NKAIN2: variants seen among roughly 807,000 people sequenced by gnomAD.
NKAIN2 encodes sodium/potassium transporting ATPase interacting 2, also known as sodium/potassium-transporting ATPase subunit beta-1-interacting protein 2.
Under a neutral mutation model 32.6 loss-of-function variants are expected in NKAIN2, and 14 were observed. That is an observed-to-expected ratio of 0.43 (90% CI 0.28 to 0.67). The LOEUF (loss-of-function observed/expected upper bound fraction) is 0.67. Among genes scored for constraint, NKAIN2 ranks in the 30% least tolerant of loss-of-function variants. The pLI, the probability that NKAIN2 is intolerant of heterozygous loss-of-function variation, is 0.17. For missense variants in NKAIN2, 198 were observed against 258.3 expected, an observed-to-expected ratio of 0.77 and a Z score of 1.60; for synonymous variants, 80 against 87.2, an observed-to-expected ratio of 0.92 and a Z score of 0.46.
chr6:124,682,974 T>C (rs17052251), intron 4 of NKAIN2, among the ~76,000 whole-genome samples: 9,684 of 152,218 alleles, frequency 0.064, 462 homozygotes, highest in African/African-American at 0.13. Context: ...TGGGCAGTGA[T>C]AAGTTTTGAC....
At chr6:124,194,988 A>G (rs1039831426) in intron 1 of NKAIN2, among the ~76,000 whole-genome samples, 2 of 103,786 alleles carry the variant, frequency 1.9e-5, no homozygotes, top group Admixed American at 1.1e-4. Context: ...TATTTGTCAT[A>G]TTATTGGCTT....
At chr6:124,310,235 T>C (rs538738539) in intron 2 of NKAIN2, among the ~76,000 whole-genome samples, 6 of 152,262 alleles carry the variant, frequency 3.9e-5, no homozygotes, top group African/African-American at 9.6e-5. Context: ...GTTATGTTAG[T>C]ACTTTCATTT....
intron 3 of NKAIN2, among the ~76,000 whole-genome samples, chr6:124,397,785 G>A (rs984675549): frequency 2.6e-5 from 4 of 152,014 alleles, no homozygotes; most frequent in South Asian, 2.1e-4. Flanking sequence ...GAAGATTAAC[G>A]AATTGTGAAA....
intron 1 of NKAIN2, among the ~76,000 whole-genome samples, chr6:124,143,242 G>A (rs1027594629): frequency 8.5e-5 from 13 of 152,164 alleles, no homozygotes; most frequent in African/African-American, 2.9e-4. Flanking sequence ...AGGACTGCTT[G>A]AAGCCATGAG....
intron 3 of NKAIN2, among the ~76,000 whole-genome samples, chr6:124,576,655 C>A (rs519615): frequency 0.87 from 131,728 of 152,168 alleles, 57,196 homozygotes; most frequent in South Asian, 0.93. Flanking sequence ...CTTGGCAAAA[C>A]AATTATGCCA....
At chr6:124,742,597 A>C (rs1399866598) in intron 4 of NKAIN2, among the ~76,000 whole-genome samples, 1 of 151,858 alleles carries the variant, frequency 6.6e-6, no homozygotes, top group East Asian at 1.9e-4. Context: ...CTCATAATAA[A>C]TATATATTGG....
At chr6:124,610,018 T>C (rs1020003097) in intron 3 of NKAIN2, among the ~76,000 whole-genome samples, 2 of 152,094 alleles carry the variant, frequency 1.3e-5, no homozygotes, top group Non-Finnish European at 2.9e-5. Context: ...CACAGTGTAG[T>C]GTTAATTATT....
chr6:124,820,945 G>A lies in NKAIN2; in HGVS notation c.618-2275G>A, dbSNP rs114295591. On this transcript the variant is annotated intron_variant, in intron 6 of 6. Transcript: ENST00000368417. ...CAGTCTCTGGTACCAAAAAGGTTGA[G>A]GACTGCTGACATATAACATCAGCTC... Among the ~76,000 whole-genome samples the A allele has an allele frequency of 2.9e-3, 439 of 152,182 alleles. 3 individuals carry two copies. Among genetic ancestry groups the A allele is most frequent in the African/African-American group, 9.8e-3 (408 of 41,542 alleles).
intron 1 of NKAIN2, among the ~76,000 whole-genome samples, chr6:123,976,280 T>TATATATATA (rs1778575304): frequency 9.0e-6 from 1 of 110,888 alleles, no homozygotes; most frequent in African/African-American, 3.3e-5. Context: ...CATATATATG[T>TATATATATA]TTCCATATAT....
chr6:124,546,373 G>A lies in NKAIN2; in HGVS notation c.274-111813G>A, dbSNP rs532673943. Reference sequence around the variant, plus strand: ...ACTGCTGAGTACTTGTTGAATAATTGCTCTTTATACGTCATCAAAAAGGAC... The same window carrying A: ...ACTGCTGAGTACTTGTTGAATAATTACTCTTTATACGTCATCAAAAAGGAC... On this transcript the variant is annotated intron_variant, in intron 3 of 6. Transcript: ENST00000368417. Among the ~76,000 whole-genome samples, 33 of 152,116 alleles carry A rather than the reference G, an allele frequency of 2.2e-4. No homozygotes were observed. In the South Asian group the frequency reaches 6.4e-3, roughly 30 times the overall value.
chr6:124,622,300 A>G (rs1000691038), intron 3 of NKAIN2, among the ~76,000 whole-genome samples: 4 of 152,124 alleles, frequency 2.6e-5, no homozygotes, highest in Non-Finnish European at 5.9e-5. Flanking sequence ...TATGTGAAAA[A>G]TTCAGTGGGA....
intron 1 of NKAIN2, among the ~76,000 whole-genome samples, chr6:123,824,906 A>G (rs1018905545): frequency 6.6e-6 from 1 of 152,124 alleles, no homozygotes. Context: ...GAAAAAAGCA[A>G]GGAAGTACAT....
chr6:124,687,232 TAG>T (rs1192783095), intron 4 of NKAIN2, among the ~76,000 whole-genome samples: 3 of 145,308 alleles, frequency 2.1e-5, no homozygotes, highest in African/African-American at 7.5e-5. Context: ...GGAATATATA[TAG>T]AGAGAATATA....
intron 3 of NKAIN2, among the ~76,000 whole-genome samples, chr6:124,371,929 G>C (rs146822121): frequency 0.014 from 2,079 of 152,156 alleles, 56 homozygotes; most frequent in African/African-American, 0.048. Context: ...GGGCACACAT[G>C]ACGTGATCCT....
intron 2 of NKAIN2, among the ~76,000 whole-genome samples, chr6:124,322,733 A>G (rs1235076267): frequency 6.6e-6 from 1 of 152,154 alleles, no homozygotes; most frequent in Non-Finnish European, 1.5e-5. Context: ...TTATGTAGAG[A>G]TTTTTGTGTG....
rs1159527372 is a variant in NKAIN2 at position 124,616,518 on chromosome 6, G to T, written c.274-41668G>T. Among the ~76,000 whole-genome samples the T allele has an allele frequency of 3.7e-5, 4 of 107,818 alleles. No homozygotes were observed. In the Admixed American group the frequency reaches 5.7e-4, roughly 15 times the overall value. The allele number at this position is 107,818 out of a possible 152,430, so 70.7% of individuals were successfully genotyped here. A position where few individuals can be genotyped will look rare whatever the true frequency, so the allele number is the denominator to read the frequency against. On this transcript the variant is annotated intron_variant, in intron 3 of 6. Coordinates refer to ENST00000368417, the MANE Select transcript of NKAIN2 (RefSeq NM_001040214.3). Reference sequence around the variant, plus strand: ...TGAGCTCTGTCACCCACCCTGGAGTGCAGTGGTGCGATCTCGGCTCACTGA... The same window carrying T: ...TGAGCTCTGTCACCCACCCTGGAGTTCAGTGGTGCGATCTCGGCTCACTGA...
intron 4 of NKAIN2, among the ~76,000 whole-genome samples, chr6:124,745,377 A>G (rs1777402234): frequency 6.6e-6 from 1 of 151,916 alleles, no homozygotes; most frequent in Admixed American, 6.6e-5. Context: ...CTAATATGAC[A>G]GAATCTCTCA....
intron 1 of NKAIN2, among the ~76,000 whole-genome samples, chr6:123,923,333 T>A (rs909820104): frequency 4.6e-5 from 7 of 152,076 alleles, no homozygotes; most frequent in African/African-American, 1.7e-4. Context: ...AAAGTTGACA[T>A]CTGTAACTTT....
intron 3 of NKAIN2, among the ~76,000 whole-genome samples, chr6:124,515,081 T>C (rs892495619): frequency 2.0e-5 from 3 of 152,130 alleles, no homozygotes; most frequent in African/African-American, 4.8e-5. Context: ...AATGACTGAG[T>C]AGCACAGATA....
Sources: allele counts gnomAD v4.1 joint callset (sites outside exome capture counted in the v4.1 genomes callset), GRCh38; gene constraint gnomAD v4.1.1; transcripts MANE v1.5; gene names NCBI Gene and HGNC (gene_info 2026-07-23, HGNC 2026-07-21).